GPM6A: variants seen among roughly 807,000 people sequenced by gnomAD.
GPM6A encodes neuronal membrane glycoprotein M6-a.
Under a neutral mutation model 32.1 loss-of-function variants are expected in GPM6A, and 7 were observed. The ratio of observed to expected loss-of-function variants is 0.22; its 90% CI spans 0.12 to 0.41. The LOEUF (loss-of-function observed/expected upper bound fraction) is 0.41, where lower values mean the gene tolerates loss of function less well. Ranked by LOEUF, GPM6A falls within the 10% of genes least tolerant of loss-of-function variation. The probability of loss-of-function intolerance (pLI) is 1.00; values close to 1 mark genes in which losing one functional copy is unlikely to be tolerated. For synonymous variants in GPM6A, 130 were observed against 123.4 expected, an observed-to-expected ratio of 1.05 and a Z score of -0.35; for missense variants, 235 against 347.2, an observed-to-expected ratio of 0.68 and a Z score of 2.57.
intron 1 of GPM6A, among the ~76,000 whole-genome samples, chr4:175,878,673 G>C (rs1447154645): frequency 1.3e-5 from 2 of 152,036 alleles, no homozygotes; most frequent in African/African-American, 4.8e-5. Context: ...GATGGGATGG[G>C]CTGCCTTGAA....
chr4:175,984,928 T>C (rs1008456524), intron 1 of GPM6A, among the ~76,000 whole-genome samples: 10 of 152,182 alleles, frequency 6.6e-5, no homozygotes, highest in Non-Finnish European at 1.0e-4. Flanking sequence ...AAAGCTGAAC[T>C]ATTTTTGACC....
intron 1 of GPM6A, among the ~76,000 whole-genome samples, chr4:175,776,328 C>T (rs1295000417): frequency 1.3e-5 from 2 of 152,076 alleles, no homozygotes; most frequent in Non-Finnish European, 2.9e-5. Flanking sequence ...TTTCATGTAA[C>T]TGACAGTAAG....
intron 3 of GPM6A, among the ~76,000 whole-genome samples, chr4:175,658,089 C>A (rs143358775): frequency 6.6e-6 from 1 of 152,206 alleles, no homozygotes; most frequent in South Asian, 2.1e-4. Flanking sequence ...AAGTTGTGAT[C>A]GGAAAATTCT....
intron 2 of GPM6A, among the ~76,000 whole-genome samples, chr4:175,685,938 T>C (rs920653249): frequency 5.3e-5 from 8 of 151,226 alleles, no homozygotes; most frequent in Admixed American, 2.6e-4. Flanking sequence ...TGTGTGTGTG[T>C]GCACGCACAC....
At chr4:175,738,831 A>T (rs1010915225) in intron 1 of GPM6A, among the ~76,000 whole-genome samples, 1 of 152,186 alleles carries the variant, frequency 6.6e-6, no homozygotes, top group African/African-American at 2.4e-5. Flanking sequence ...TTTTAGCTGC[A>T]TGCTGAGCTC....
At chr4:175,737,345 C>A (rs111494144) in intron 1 of GPM6A, among the ~76,000 whole-genome samples, 1 of 151,754 alleles carries the variant, frequency 6.6e-6, no homozygotes, top group African/African-American at 2.4e-5. Context: ...CGTAATCCTG[C>A]ACGCCTGTAA....
At chr4:175,833,584 T>G (rs951042357) in intron 1 of GPM6A, among the ~76,000 whole-genome samples, 6 of 152,174 alleles carry the variant, frequency 3.9e-5, no homozygotes, top group African/African-American at 1.4e-4. Flanking sequence ...GAAGTCTAAT[T>G]CAGCTTCGTG....
At chr4:175,795,432 A>G (rs935891392) in intron 1 of GPM6A, among the ~76,000 whole-genome samples, 2 of 152,154 alleles carry the variant, frequency 1.3e-5, no homozygotes, top group African/African-American at 4.8e-5. Flanking sequence ...AAGCAAGGAA[A>G]TGTTCCTTCC....
chr4:175,994,362 G>A (rs1009323411), intron 1 of GPM6A, among the ~76,000 whole-genome samples: 1 of 152,256 alleles, frequency 6.6e-6, no homozygotes. Flanking sequence ...AATAAAAATA[G>A]TGCAGGCATG....
At chr4:175,669,676 T>C (rs1742945533) in intron 3 of GPM6A, among the ~76,000 whole-genome samples, 1 of 152,204 alleles carries the variant, frequency 6.6e-6, no homozygotes, top group Admixed American at 6.5e-5. Flanking sequence ...ACTGTTATCA[T>C]AAGACTGTTA....
intron 3 of GPM6A, among the ~76,000 whole-genome samples, chr4:175,673,008 A>C (rs957799361): frequency 8.5e-5 from 13 of 152,318 alleles, no homozygotes; most frequent in African/African-American, 3.1e-4. Context: ...ATGTTGTTAC[A>C]TAACATTAGA....
At chr4:175,834,754 T>G (rs1735713923) in intron 1 of GPM6A, among the ~76,000 whole-genome samples, 1 of 152,214 alleles carries the variant, frequency 6.6e-6, no homozygotes, top group African/African-American at 2.4e-5. Context: ...ATCACTACTA[T>G]TAGAAAACAA....
chr4:175,728,003 CAA>C (rs36001392), intron 1 of GPM6A, among the ~76,000 whole-genome samples: 196 of 97,004 alleles, frequency 2.0e-3, no homozygotes, highest in Middle Eastern at 5.9e-3. Flanking sequence ...GACTCCGTTT[CAA>C]AAAAAAAAAA....
At chr4:175,973,567 A>G (rs1740569797) in intron 1 of GPM6A, among the ~76,000 whole-genome samples, 2 of 152,350 alleles carry the variant, frequency 1.3e-5, no homozygotes, top group Non-Finnish European at 2.9e-5. Flanking sequence ...GAATAAATGC[A>G]ATTTTCAGTT....
intron 1 of GPM6A, among the ~76,000 whole-genome samples, chr4:175,880,298 T>C (rs1472021926): frequency 6.6e-6 from 1 of 152,214 alleles, no homozygotes; most frequent in Non-Finnish European, 1.5e-5. Context: ...AGCCTTGTAG[T>C]ATAGTTTGAA....
chr4:175,817,198 G>T (rs556403177), upstream of GPM6A, among the ~76,000 whole-genome samples: 1 of 152,182 alleles, frequency 6.6e-6, no homozygotes, highest in South Asian at 2.1e-4. Flanking sequence ...CACAAACACT[G>T]CAATGTTTTC....
chr4:175,816,157 C>G (rs1735094298), upstream of GPM6A, among the ~76,000 whole-genome samples: 1 of 152,200 alleles, frequency 6.6e-6, no homozygotes, highest in Admixed American at 6.5e-5. Context: ...CATCACCGCA[C>G]TGCAGCCTGG....
chr4:175,906,138 T>A (rs1226241452), intron 1 of GPM6A, among the ~76,000 whole-genome samples: 1 of 152,154 alleles, frequency 6.6e-6, no homozygotes, highest in Non-Finnish European at 1.5e-5. Context: ...CACAGCTGGA[T>A]GCAAGAAGCA....
At chr4:175,764,500 T>C (rs1462453296) in intron 1 of GPM6A, among the ~76,000 whole-genome samples, 1 of 152,202 alleles carries the variant, frequency 6.6e-6, no homozygotes, top group East Asian at 1.9e-4. Flanking sequence ...ACGTATGTCA[T>C]GTGATAGGCT....
Sources: allele counts gnomAD v4.1 joint callset (sites outside exome capture counted in the v4.1 genomes callset), GRCh38; gene constraint gnomAD v4.1.1; transcripts MANE v1.5; gene names NCBI Gene and HGNC (gene_info 2026-07-23, HGNC 2026-07-21).